Variants in CSMD3 observed in about 807,000 individuals in gnomAD.
CSMD3 encodes CUB and sushi domain-containing protein 3.
A neutral mutation model predicts 435.2 loss-of-function variants in CSMD3; 177 were observed. That is an observed-to-expected ratio of 0.41 (90% confidence interval 0.36 to 0.46). The LOEUF is 0.46. Among genes scored for constraint, CSMD3 ranks in the 20% least tolerant of loss-of-function variants. The pLI is 0.34. For synonymous variants in CSMD3, 1,656 were observed against 1,520.5 expected, an observed-to-expected ratio of 1.09 and a Z score of -2.07; for missense variants, 4,265 against 4,504.6, an observed-to-expected ratio of 0.95 and a Z score of 1.52.
chr8:112,908,861 A>G (rs534982208), intron 10 of CSMD3, among the ~76,000 whole-genome samples: 1 of 151,674 alleles, frequency 6.6e-6, no homozygotes, highest in East Asian at 2.0e-4. Context: ...ACAGGCAGGA[A>G]AAATAACCTG....
At chr8:112,906,577 G>A (rs1430612151) in intron 10 of CSMD3, among the ~76,000 whole-genome samples, 5 of 151,288 alleles carry the variant, frequency 3.3e-5, no homozygotes, top group Non-Finnish European at 7.4e-5. Flanking sequence ...TTAAGGTTTG[G>A]GCCAGTGCAA....
intron 13 of CSMD3, among the ~76,000 whole-genome samples, chr8:112,751,917 C>T (rs1227201748): frequency 6.6e-6 from 1 of 152,190 alleles, no homozygotes; most frequent in East Asian, 1.9e-4. Context: ...ATCATTTCTA[C>T]TTGAGCACTA....
At chr8:112,269,101 C>G (rs1440426191) in intron 59 of CSMD3, among the ~76,000 whole-genome samples, 1 of 152,156 alleles carries the variant, frequency 6.6e-6, no homozygotes, top group Non-Finnish European at 1.5e-5. Context: ...AAAATCCTCT[C>G]TAGTTGAGAA....
intron 61 of CSMD3, among the ~76,000 whole-genome samples, chr8:112,258,880 A>G (rs1016082029): frequency 2.6e-5 from 4 of 152,086 alleles, no homozygotes; most frequent in Non-Finnish European, 4.4e-5. Context: ...TCTACTAAAA[A>G]TACAAAAACT....
At chr8:112,272,495 C>T (rs1817618428) in intron 59 of CSMD3, among the ~76,000 whole-genome samples, 1 of 152,026 alleles carries the variant, frequency 6.6e-6, no homozygotes, top group Admixed American at 6.6e-5. Context: ...AACATATTTA[C>T]ACTTGAAATT....
At chr8:113,148,928 C>A (rs1406562478) in intron 4 of CSMD3, among the ~76,000 whole-genome samples, 1 of 151,656 alleles carries the variant, frequency 6.6e-6, no homozygotes, top group Non-Finnish European at 1.5e-5. Flanking sequence ...TCAGTATATA[C>A]ATGTTTATGC....
At chr8:112,938,579 G>A (rs1397097725) in intron 9 of CSMD3, among the ~76,000 whole-genome samples, 2 of 152,102 alleles carry the variant, frequency 1.3e-5, no homozygotes, top group African/African-American at 4.8e-5. Context: ...GCTGATTAAG[G>A]GTGGAGGCAT....
chr8:113,407,661 G>A (rs1036383301), intron 1 of CSMD3, among the ~76,000 whole-genome samples: 4 of 151,974 alleles, frequency 2.6e-5, no homozygotes, highest in African/African-American at 9.7e-5. Context: ...TTCCACTGTG[G>A]AAATATCAAT....
chr8:112,666,089 A>G (rs2075517100), intron 17 of CSMD3, among the ~76,000 whole-genome samples, 188 bp downstream of exon 17: 1 of 152,172 alleles, frequency 6.6e-6, no homozygotes, highest in South Asian at 2.1e-4. Flanking sequence ...ATACAGCATT[A>G]CACAAATAGA....
At chr8:112,839,379 G>A (rs1412311765) in intron 11 of CSMD3, among the ~76,000 whole-genome samples, 1 of 151,732 alleles carries the variant, frequency 6.6e-6, no homozygotes, top group Non-Finnish European at 1.5e-5. Context: ...TACATAAAAT[G>A]AAAAATTCAT....
chr8:112,775,613 T>C (rs2078225433), intron 13 of CSMD3, among the ~76,000 whole-genome samples: 1 of 151,908 alleles, frequency 6.6e-6, no homozygotes, highest in Non-Finnish European at 1.5e-5. Flanking sequence ...GCAAAATAAA[T>C]CAATTATTAT....
chr8:112,353,706 G>GA (rs1222421939), intron 38 of CSMD3, among the ~76,000 whole-genome samples: 1 of 151,804 alleles, frequency 6.6e-6, no homozygotes, highest in Non-Finnish European at 1.5e-5. Flanking sequence ...AAATCAGTAA[G>GA]AAAAAAACCT....
intron 11 of CSMD3, among the ~76,000 whole-genome samples, chr8:112,832,016 A>T (rs1483142268): frequency 6.6e-6 from 1 of 152,132 alleles, no homozygotes; most frequent in Non-Finnish European, 1.5e-5. Flanking sequence ...TCCTTGTTAG[A>T]TTATTTATAA....
At chr8:113,054,044 C>A (rs1408640168) in intron 5 of CSMD3, among the ~76,000 whole-genome samples, 2 of 152,128 alleles carry the variant, frequency 1.3e-5, no homozygotes, top group African/African-American at 4.8e-5. Context: ...TGATTTCTTA[C>A]CAAACTACCC....
At chr8:112,597,133 G>A (rs1020414231) in intron 22 of CSMD3, among the ~76,000 whole-genome samples, 1 of 151,316 alleles carries the variant, frequency 6.6e-6, no homozygotes, top group African/African-American at 2.4e-5. Context: ...GACTAATAAA[G>A]AAGAAAAGAG....
At chr8:112,726,973 A>C (rs1467922194) in intron 13 of CSMD3, among the ~76,000 whole-genome samples, 1 of 151,828 alleles carries the variant, frequency 6.6e-6, no homozygotes, top group African/African-American at 2.4e-5. Context: ...GTTCATGACC[A>C]AGCAAAGAAT....
chr8:113,400,764 G>T (rs374737112), intron 1 of CSMD3, among the ~76,000 whole-genome samples: 1 of 151,926 alleles, frequency 6.6e-6, no homozygotes, highest in South Asian at 2.1e-4. Flanking sequence ...ATATTTAAGC[G>T]TGGTACAAAC....
chr8:112,500,918 G>A (rs1016229031), intron 30 of CSMD3, among the ~76,000 whole-genome samples: 2 of 151,870 alleles, frequency 1.3e-5, no homozygotes, highest in African/African-American at 4.8e-5. Context: ...ATTAGGGTGG[G>A]GTGACCAGCC....
chr8:112,785,649 C>T (rs1183789686), intron 13 of CSMD3, among the ~76,000 whole-genome samples: 1 of 151,834 alleles, frequency 6.6e-6, no homozygotes, highest in Non-Finnish European at 1.5e-5. Flanking sequence ...AGTGAACAAT[C>T]TGAAAAAGCA....
Sources: allele counts gnomAD v4.1 joint callset (sites outside exome capture counted in the v4.1 genomes callset), GRCh38; gene constraint gnomAD v4.1.1; transcripts MANE v1.5; gene names NCBI Gene and HGNC (gene_info 2026-07-23, HGNC 2026-07-21).